The following GLDN variants were observed in gnomAD, a reference collection of about 807,000 sequenced individuals.
The protein encoded by GLDN is collomin.
In GLDN, 47 loss-of-function variants were observed where a neutral mutation model predicts 56.5. That is an observed-to-expected ratio of 0.83 (90% CI 0.66 to 1.06). GLDN has a LOEUF of 1.06. Among genes scored for constraint, GLDN ranks in the 50% least tolerant of loss-of-function variants. The probability of loss-of-function intolerance (pLI) is 0.00; values close to 1 mark genes in which losing one functional copy is unlikely to be tolerated. For synonymous variants in GLDN, 332 were observed against 278.8 expected (o/e 1.19, Z -1.90); for missense variants, 782 against 714.3 (o/e 1.09, Z -1.08).
At chr15:51,411,701 T>G (rs59227648), downstream of GLDN, among the ~76,000 whole-genome samples, 8,989 of 152,266 alleles carry the variant, frequency 0.059, 549 homozygotes, top group African/African-American at 0.16. Context: ...CTCACAAAAT[T>G]CTGTTTATTT....
At chr15:51,409,353 A>G (rs1483370506), downstream of GLDN, among the ~76,000 whole-genome samples, 2 of 152,112 alleles carry the variant, frequency 1.3e-5, no homozygotes, top group Admixed American at 6.5e-5. Context: ...ACAAAGTGAA[A>G]AAGTCCAAGG....
chr15:51,341,705 A>G lies in GLDN; in HGVS notation c.21A>G (p.Gly7=). The change falls in exon 1 of 10, where the codon GGA becomes GGG. Residue 7 remains glycine (G), a synonymous_variant. Coordinates refer to ENST00000335449, the MANE Select transcript of GLDN (RefSeq NM_181789.4). MARGAE[G]GRGDAGWGLR... is the part of the protein sequence containing the mutation. ...AGAGCATGGCCCGAGGCGCTGAGGG[A>G]GGCCGTGGGGACGCGGGTTGGGGCC... 1 of 1,427,180 alleles carries G rather than the reference A, an allele frequency of 7.0e-7. No homozygotes were observed. Among genetic ancestry groups the G allele is most frequent in the Non-Finnish European group, 9.0e-7 (1 of 1,105,350 alleles). 88.4% of individuals were successfully genotyped at this position (1,427,180 alleles called of 1,614,324 possible). A position where few individuals can be genotyped will look rare whatever the true frequency, so the allele number is the denominator to read the frequency against.
chr15:51,355,420 T>C (rs774400882), intron 1 of GLDN, among the ~76,000 whole-genome samples: 1 of 152,184 alleles, frequency 6.6e-6, no homozygotes, highest in Non-Finnish European at 1.5e-5. Context: ...TAATGCATTA[T>C]TAATTGGCAC....
intron 8 of GLDN, among the ~76,000 whole-genome samples, chr15:51,400,965 C>G (rs1456557363): frequency 6.6e-6 from 1 of 152,194 alleles, no homozygotes; most frequent in African/African-American, 2.4e-5. Context: ...CAGTCACACT[C>G]TATCTGAGCA....
In GLDN at chr15:51,378,507, G is replaced by A. The variant is rs138785244; in HGVS notation, c.415+1007G>A. On this transcript the variant is annotated intron_variant, in intron 2 of 9. Transcript: ENST00000335449. The stretch of plus-strand genomic sequence containing the variant: ...GCACAAAAGCCTGTTGAGAGGCACA[G>A]GAAAAGCCTCTTCCTTTTTGATTTT... Among the ~76,000 whole-genome samples, 219 of 152,268 alleles carry A rather than the reference G, an allele frequency of 1.4e-3. 1 individual carries two copies. The East Asian group carries it at 0.024, about 16-fold the overall frequency.
chr15:51,355,935 T>C (rs140927121), intron 1 of GLDN, among the ~76,000 whole-genome samples: 2,423 of 145,840 alleles, frequency 0.017, 94 homozygotes, highest in Admixed American at 0.1. Flanking sequence ...CAGCCGGGTG[T>C]GGTGGCTCAC....
Position 51,341,944 on chromosome 15 carries a change from C to T in GLDN, c.260C>T (p.Ala87Val), listed in dbSNP as rs1255352765. ...RGASAPPQDP[A>V]SSARNKRSHS... is the part of the protein sequence containing the mutation. ...GCGTCCGCACCACCCCAAGACCCGG[C>T]CAGCTCAGCTCGCAACAAGCGCAGC... The change falls in exon 1 of 10, where the codon GCC becomes GTC. Residue 87 changes from alanine (A) to valine (V), a missense_variant. Transcript: ENST00000335449. 1.9e-6 allele frequency: 3 copies of T among 1,597,206 alleles called. No homozygotes were observed. Among genetic ancestry groups the T allele is most frequent in the Middle Eastern group, 1.7e-4 (1 of 6,020 alleles).
At chr15:51,345,620 G>T (rs146267957) in intron 1 of GLDN, among the ~76,000 whole-genome samples, 5 of 152,304 alleles carry the variant, frequency 3.3e-5, no homozygotes, top group Non-Finnish European at 7.4e-5. Context: ...AAATGTAATT[G>T]TGTCTCACCC....
At chr15:51,390,593 G>T (rs1157708664) in intron 4 of GLDN, among the ~76,000 whole-genome samples, 6 of 152,050 alleles carry the variant, frequency 3.9e-5, no homozygotes, top group Admixed American at 1.3e-4. Context: ...TGTGTCTCAG[G>T]ACTGGGTTTT....
At chr15:51,355,989 C>T (rs1048870491) in intron 1 of GLDN, among the ~76,000 whole-genome samples, 14 of 150,102 alleles carry the variant, frequency 9.3e-5, no homozygotes, top group Non-Finnish European at 1.3e-4. Context: ...GGGCGGATCA[C>T]GAGGTCAGAA....
At chr15:51,368,916 A>G (rs1205619132) in intron 1 of GLDN, 3 of 152,238 alleles carry the variant, frequency 2.0e-5, no homozygotes, top group South Asian at 2.1e-4. Flanking sequence ...GGAATCAGTA[A>G]GAGCTAAGTT....
chr15:51,399,306 C>A (rs1458159095), intron 6 of GLDN, among the ~76,000 whole-genome samples: 1 of 152,164 alleles, frequency 6.6e-6, no homozygotes, highest in Non-Finnish European at 1.5e-5. Flanking sequence ...CTTCAGATTA[C>A]CCTCAAGATT....
intron 4 of GLDN, among the ~76,000 whole-genome samples, chr15:51,386,483 A>T (rs1203932134): frequency 1.3e-5 from 2 of 152,144 alleles, no homozygotes; most frequent in East Asian, 3.8e-4. Context: ...AGGGATAGGG[A>T]GGAGGGACCA....
chr15:51,345,190 C>T (rs1050705531), intron 1 of GLDN, among the ~76,000 whole-genome samples: 1 of 152,206 alleles, frequency 6.6e-6, no homozygotes, highest in African/African-American at 2.4e-5. Flanking sequence ...TTCCTCTCTT[C>T]CTGTCTCACA....
At chr15:51,387,490 C>T (rs1295192329) in intron 4 of GLDN, among the ~76,000 whole-genome samples, 1 of 152,174 alleles carries the variant, frequency 6.6e-6, no homozygotes, top group Non-Finnish European at 1.5e-5. Context: ...GGTGCGGTCA[C>T]ACAGCCAGGC....
rs2038217886 is a variant in GLDN at position 51,400,207 on chromosome 15, T to A, written c.833T>A (p.Ile278Lys). 2 of 1,614,108 alleles carry A rather than the reference T, an allele frequency of 1.2e-6. No homozygotes were observed. Among genetic ancestry groups the A allele is most frequent in the Non-Finnish European group, 1.7e-6 (2 of 1,179,950 alleles). Reference sequence around the variant, plus strand: ...GTCATTTTAGGTGAGACTTGTGCCATACCAAATGATGATACCTTGGTTGGA... The same window carrying A: ...GTCATTTTAGGTGAGACTTGTGCCAAACCAAATGATGATACCTTGGTTGGA... ...NGQCPGETCA[I>K]PNDDTLVGKA... The change falls in exon 7 of 10, where the codon ATA (isoleucine) becomes AAA (lysine). Residue 278 changes from isoleucine to lysine, a missense_variant. Physicochemically the swap from Ile to Lys is moderately radical, Grantham distance 102. Coordinates refer to ENST00000335449, the MANE Select transcript of GLDN (RefSeq NM_181789.4).
chr15:51,409,708 G>C (rs2141147180), downstream of GLDN, among the ~76,000 whole-genome samples: 1 of 152,306 alleles, frequency 6.6e-6, no homozygotes, highest in East Asian at 1.9e-4. Context: ...CGATCCCACT[G>C]TCATTTTAAA....
At chr15:51,342,388 C>T (rs957142460) in intron 1 of GLDN, among the ~76,000 whole-genome samples, 6 of 152,226 alleles carry the variant, frequency 3.9e-5, no homozygotes, top group African/African-American at 1.4e-4. Flanking sequence ...AATGGAGCCG[C>T]AGCAGCCTTG....
chr15:51,363,292 A>G (rs2037337604), intron 1 of GLDN, among the ~76,000 whole-genome samples: 1 of 152,116 alleles, frequency 6.6e-6, no homozygotes, highest in African/African-American at 2.4e-5. Flanking sequence ...CCAGACTGTT[A>G]TTTTTTCAAG....
Sources: gnomAD v4.1 joint callset for allele counts (sites outside exome capture counted in the v4.1 genomes callset) on GRCh38, gnomAD v4.1.1 for gene constraint, MANE v1.5 for transcripts, NCBI Gene and HGNC (gene_info 2026-07-23, HGNC 2026-07-21) for gene names.